PAH: variants seen among roughly 807,000 people sequenced by gnomAD.
PAH encodes the protein phenylalanine hydroxylase, also known as phenylalanine-4-hydroxylase.
PAH carries 64 observed loss-of-function variants against 62.0 expected under a neutral mutation model. The ratio of observed to expected loss-of-function variants is 1.03; its 90% confidence interval spans 0.84 to 1.27. The LOEUF (loss-of-function observed/expected upper bound fraction) is 1.27. Among genes scored for constraint, PAH ranks in the 50% most tolerant of loss-of-function variants. The pLI is 0.00. For synonymous variants in PAH, 195 were observed against 196.2 expected, an observed-to-expected ratio of 0.99 and a Z score of 0.05; for missense variants, 579 against 542.8, an observed-to-expected ratio of 1.07 and a Z score of -0.66.
chr12:102,878,110 C>A (rs1056273378), intron 3 of PAH, among the ~76,000 whole-genome samples: 3 of 152,198 alleles, frequency 2.0e-5, no homozygotes, highest in African/African-American at 7.2e-5. Flanking sequence ...CAGGCATGAG[C>A]CACTGCGTCC....
At chr12:102,852,063 T>C in intron 7 of PAH, 1 of 379,810 alleles carries the variant, frequency 2.6e-6, no homozygotes, top group Non-Finnish European at 5.0e-6. Flanking sequence ...TGCTCCCATA[T>C]ACCTAAGTGA....
intron 2 of PAH, among the ~76,000 whole-genome samples, chr12:102,897,492 T>TATATATATATATATATATATA (rs1379613102): frequency 7.3e-6 from 1 of 137,462 alleles, no homozygotes; most frequent in African/African-American, 3.2e-5. Flanking sequence ...TATATATATA[T>TATATATATATATATATATATA]AATTCAAACT....
At chr12:102,917,271 A>T (rs1376601164), upstream of PAH, 2 of 747,598 alleles carry the variant, frequency 2.7e-6, no homozygotes, top group Non-Finnish European at 4.7e-6. Context: ...TGCGTGGTGC[A>T]TCTCCGCACA....
chr12:102,844,181 A>G lies in PAH; in HGVS notation c.1065+155T>C, dbSNP rs10860931. 0.21 allele frequency among the ~76,000 whole-genome samples: 32,254 copies of G among 152,032 alleles called. 3,975 individuals carry two copies. The highest frequency in any genetic ancestry group is 0.36 in the Admixed American group (5,421 of 15,248). The stretch of plus-strand genomic sequence containing the variant: ...CTGTAAAACCCACAGCCATCATCAA[A>G]TCATAGCTGCTAAGGTACCAATCAC... On this transcript the variant is annotated intron_variant, in intron 10 of 12. Coordinates refer to ENST00000553106, the MANE Select transcript of PAH (RefSeq NM_000277.3).
Position 102,908,205 on chromosome 12 carries a change from C to T in PAH, c.168+4586G>A, listed in dbSNP as rs375213678. Among the ~76,000 whole-genome samples the T allele has an allele frequency of 2.3e-3, 347 of 148,648 alleles. 3 individuals carry two copies. The South Asian group carries it at 0.036, about 15-fold the overall frequency. ...TACATGCATGCGCCCCCCTCCCTACCACCCCCTGCAGCCCCGACACACACA... is the reference window on the plus strand; with the variant it reads ...TACATGCATGCGCCCCCCTCCCTACTACCCCCTGCAGCCCCGACACACACA... On this transcript the variant is annotated intron_variant, in intron 2 of 12. Transcript: ENST00000553106.
At chr12:102,872,552 G>T (rs1876390239) in intron 4 of PAH, among the ~76,000 whole-genome samples, 1 of 152,180 alleles carries the variant, frequency 6.6e-6, no homozygotes, top group South Asian at 2.1e-4. Flanking sequence ...AATTAGGTGG[G>T]CAAAAGGAAG....
At chr12:102,912,443 G>A in intron 2 of PAH, among the ~76,000 whole-genome samples, 1 of 151,960 alleles carries the variant, frequency 6.6e-6, no homozygotes, top group Non-Finnish European at 1.5e-5. Context: ...TGACACATGT[G>A]ATTACATGTT....
intron 5 of PAH, among the ~76,000 whole-genome samples, chr12:102,859,877 G>C (rs1360638456): frequency 6.6e-6 from 1 of 152,158 alleles, no homozygotes; most frequent in Non-Finnish European, 1.5e-5. Flanking sequence ...ATACTGAATG[G>C]GCAAAAGCTG....
intron 2 of PAH, among the ~76,000 whole-genome samples, chr12:102,901,620 C>T (rs11486309): frequency 0.056 from 8,555 of 151,744 alleles, 768 homozygotes; most frequent in African/African-American, 0.19. Flanking sequence ...TGAGAGCACA[C>T]TTCAAAAAGA....
intron 11 of PAH, among the ~76,000 whole-genome samples, chr12:102,842,382 A>C (rs1874629243): frequency 6.6e-6 from 1 of 152,296 alleles, no homozygotes; most frequent in East Asian, 1.9e-4. Flanking sequence ...GGCCACACCA[A>C]GTGGATTTGT....
intron 1 of PAH, among the ~76,000 whole-genome samples, chr12:102,922,413 C>G (rs1878573142): frequency 6.6e-6 from 1 of 152,036 alleles, no homozygotes. Context: ...AGGTTAGTCT[C>G]GATCTCCTGA....
intron 3 of PAH, among the ~76,000 whole-genome samples, chr12:102,882,677 A>ATATATATATATAT (rs1461425878): frequency 1.3e-4 from 6 of 45,794 alleles, no homozygotes; most frequent in South Asian, 7.0e-4. Flanking sequence ...TATATATATA[A>ATATATATATATAT]AATTTTTTTC....
rs1402351080 is a variant in PAH, at chr12:102,840,528, C to G, written c.1200-13G>C. The G allele has an allele frequency of 6.3e-7, 1 of 1,578,922 alleles. No homozygotes were observed. The highest frequency in any genetic ancestry group is 1.3e-5 in the African/African-American group (1 of 74,276). On this transcript the variant is annotated splice_polypyrimidine_tract_variant and intron_variant, in intron 11 of 12. Transcript: ENST00000553106. ...GGCAGCAAAGTTCCTAAGACCAAAA[C>G]CACAGGCTTGAGTGAAGGGCACCAT...
chr12:102,954,123 A>C (rs752930731), upstream of PAH, among the ~76,000 whole-genome samples: 2 of 152,244 alleles, frequency 1.3e-5, no homozygotes, highest in Non-Finnish European at 2.9e-5. Context: ...CCAAGAAAGC[A>C]GGGCCCAGTG....
intron 5 of PAH, among the ~76,000 whole-genome samples, chr12:102,865,545 A>G (rs180898834): frequency 6.6e-6 from 1 of 152,292 alleles, no homozygotes; most frequent in Admixed American, 6.5e-5. Flanking sequence ...ATTGCTGACT[A>G]TCTGAAGGAC....
intron 2 of PAH, among the ~76,000 whole-genome samples, chr12:102,908,333 C>A (rs995505027): frequency 2.6e-5 from 4 of 152,052 alleles, no homozygotes; most frequent in African/African-American, 9.7e-5. Flanking sequence ...ACATTCTGTT[C>A]ATTTACTATT....
At chr12:102,888,921 T>A (rs1224966986) in intron 3 of PAH, among the ~76,000 whole-genome samples, 2 of 151,952 alleles carry the variant, frequency 1.3e-5, no homozygotes, top group African/African-American at 4.8e-5. Context: ...ACACATGGAA[T>A]GCACAAAGTG....
Position 102,852,891 on chromosome 12 carries a change from C to A in PAH, c.766G>T (p.Gly256Cys), listed in dbSNP as rs1420712008. ...TGGAAGACTCGGAAGGCCAGGCCAC[C>A]CAAGAAATCCCGAGAGGAAAGCAGG... ...AGLLSSRDFL[G>C]GLAFRVFHCT... is the part of the protein sequence containing the mutation. Residue 256 changes from glycine to cysteine, a missense_variant, in exon 7 of 13, where the codon GGT becomes TGT. By Grantham distance (159) the Gly-to-Cys change is radical (BLOSUM62 -3). Transcript: ENST00000553106. 24 of 1,614,008 alleles carry A rather than the reference C, an allele frequency of 1.5e-5. No homozygotes were observed. Among genetic ancestry groups the A allele is most frequent in the Non-Finnish European group, 2.0e-5 (24 of 1,180,006 alleles).
At chr12:102,843,535 A>G (rs139966950) in intron 11 of PAH, 111 bp downstream of exon 11, 4 of 1,056,692 alleles carry the variant, frequency 3.8e-6, no homozygotes, top group African/African-American at 3.1e-5. Flanking sequence ...TGTCTATGGT[A>G]CAAAGTTGCT....
Sources: gnomAD v4.1 joint callset for allele counts (sites outside exome capture counted in the v4.1 genomes callset) on GRCh38, gnomAD v4.1.1 for gene constraint, MANE v1.5 for transcripts, NCBI Gene and HGNC (gene_info 2026-07-23, HGNC 2026-07-21) for gene names.